The following CELA2A variants were observed in gnomAD, a reference collection of about 807,000 sequenced individuals.
CELA2A encodes the protein chymotrypsin-like elastase family member 2A.
In CELA2A, 31 loss-of-function variants were observed where a neutral mutation model predicts 35.3. That is an observed-to-expected ratio of 0.88 (90% CI 0.66 to 1.19). The LOEUF (loss-of-function observed/expected upper bound fraction) is 1.19, where lower values mean the gene tolerates loss of function less well. CELA2A is among the 50% of genes most tolerant of loss of function. The pLI is 0.00. For missense variants in CELA2A, 330 were observed against 352.9 expected (o/e 0.94, Z 0.52); for synonymous variants, 150 against 149.8 (o/e 1.00, Z -0.01).
chr1:15,462,887 G>C (rs772051136), intron 4 of CELA2A, 26 bp downstream of exon 4: 3 of 1,613,982 alleles, frequency 1.9e-6, no homozygotes, highest in Non-Finnish European at 2.5e-6. Flanking sequence ...GGTGCACTTG[G>C]GGGTGAGGTT....
chr1:15,463,367 C>T lies in CELA2A; in HGVS notation c.357-19C>T, dbSNP rs376985912. Reference sequence around the variant, plus strand: ...AAAAGTCAACCCGGTCCTCATGCTTCGCCTCCACACTCACCCAGGAACGAC... The same window carrying T: ...AAAAGTCAACCCGGTCCTCATGCTTTGCCTCCACACTCACCCAGGAACGAC... On this transcript the variant is annotated intron_variant, in intron 4 of 7. Transcript: ENST00000359621. The T allele has an allele frequency of 2.9e-5, 46 of 1,613,138 alleles. No homozygotes were observed. Among genetic ancestry groups the T allele is most frequent in the South Asian group, 1.3e-4 (12 of 91,050 alleles).
chr1:15,465,957 G>T, intron 5 of CELA2A, 42 bp from the exon 6 acceptor site: 2 of 1,608,962 alleles, frequency 1.2e-6, no homozygotes, highest in African/African-American at 2.7e-5. Flanking sequence ...TTTTTCTCAG[G>T]AGTCCCTGCA....
At chr1:15,469,786 G>C (rs1475454696) in intron 7 of CELA2A, among the ~76,000 whole-genome samples, 2 of 152,200 alleles carry the variant, frequency 1.3e-5, no homozygotes, top group Non-Finnish European at 2.9e-5. Context: ...ACATGTCAAA[G>C]GAGCCTGGCC....
At chr1:15,460,465 G>C (rs1451236939) in intron 2 of CELA2A, among the ~76,000 whole-genome samples, 1 of 152,016 alleles carries the variant, frequency 6.6e-6, no homozygotes, top group East Asian at 1.9e-4. Flanking sequence ...CAACAAACAG[G>C]TCATCGTTCC....
At chr1:15,458,559 T>C (rs1358826986) in intron 2 of CELA2A, among the ~76,000 whole-genome samples, 3 of 152,124 alleles carry the variant, frequency 2.0e-5, no homozygotes, top group Admixed American at 2.0e-4. Flanking sequence ...GAGTGACCCA[T>C]GCAGCAGTCA....
chr1:15,458,772 G>C (rs1708393379), intron 2 of CELA2A, among the ~76,000 whole-genome samples: 1 of 151,848 alleles, frequency 6.6e-6, no homozygotes, highest in African/African-American at 2.4e-5. Flanking sequence ...AATTAGCCAG[G>C]CATGGTGGCG....
At chr1:15,461,917 T>TG (rs1435075563) in intron 3 of CELA2A, 2 of 655,824 alleles carry the variant, frequency 3.0e-6, no homozygotes, top group Non-Finnish European at 5.7e-6. Context: ...TCTGCCCTCT[T>TG]GGGGAAACTA....
rs755087402 is a variant in CELA2A, at chr1:15,456,800, C to T, written c.40+7C>T. ...TCCACTTTGGTGGCTGGAGGTAAGT[C>T]CTGTTACCCAGAGGCACTGGTTTCC... On this transcript the variant is annotated splice_region_variant and intron_variant, in intron 1 of 7. Transcript: ENST00000359621. 6.2e-7 allele frequency: 1 copy of T among 1,614,106 alleles called. No homozygotes were observed. The highest frequency in any genetic ancestry group is 1.1e-5 in the South Asian group (1 of 91,078).
At chr1:15,470,493 T>C (rs1708575698) in intron 7 of CELA2A, among the ~76,000 whole-genome samples, 1 of 152,188 alleles carries the variant, frequency 6.6e-6, no homozygotes, top group Non-Finnish European at 1.5e-5. Flanking sequence ...TGTAAAAATA[T>C]TAAAAGACTA....
chr1:15,457,441 CCTCTA>C (rs1708377536), intron 2 of CELA2A: 1 of 403,144 alleles, frequency 2.5e-6, no homozygotes, highest in Non-Finnish European at 4.6e-6. Context: ...GTGAAACCTG[CCTCTA>C]CTAATAATAC....
chr1:15,467,446 A>G lies in CELA2A; in HGVS notation c.700A>G (p.Ile234Val), dbSNP rs775213413. ...TGACGGCCGGTGGCAGGTGCACGGC[A>G]TCGTCAGCTTCGGGTCTCGCCTCGG... ...ASDGRWQVHG[I>V]VSFGSRLGCN... Residue 234 changes from isoleucine to valine, a missense_variant, in exon 7 of 8, where the codon ATC (isoleucine) becomes GTC (valine). By Grantham distance (29) the Ile-to-Val change is conservative (BLOSUM62 3). Transcript: ENST00000359621. The G allele has an allele frequency of 6.2e-7, 1 of 1,614,082 alleles. No individual in the cohort carries two copies. The highest frequency in any genetic ancestry group is 1.1e-5 in the South Asian group (1 of 91,090).
At chr1:15,465,939 T>C (rs2103304395) in intron 5 of CELA2A, 60 bp from the exon 6 acceptor site, 3 of 1,596,366 alleles carry the variant, frequency 1.9e-6, no homozygotes, top group Non-Finnish European at 2.6e-6. Flanking sequence ...GACGGGTCCA[T>C]CACTTCCTTT....
chr1:15,463,403 T>C lies in CELA2A; in HGVS notation c.374T>C (p.Leu125Pro), dbSNP rs1708466854. The C allele has an allele frequency of 1.2e-6, 2 of 1,613,630 alleles. No individual in the cohort carries two copies. Among genetic ancestry groups the C allele is most frequent in the Admixed American group, 1.7e-5 (1 of 59,988 alleles). Residue 125 changes from leucine to proline, a missense_variant, in exon 5 of 8, where the codon CTC (leucine) becomes CCC (proline). Coordinates refer to ENST00000359621, the MANE Select transcript of CELA2A (RefSeq NM_033440.3). Reference sequence around the variant, plus strand: ...TCACCCAGGAACGACATTGCCCTGCTCAAACTGGCTAACCCCGTCTCCCTC... The same window carrying C: ...TCACCCAGGAACGACATTGCCCTGCCCAAACTGGCTAACCCCGTCTCCCTC... ...QISKGNDIAL[L>P]KLANPVSLTD...
intron 7 of CELA2A, among the ~76,000 whole-genome samples, chr1:15,470,555 A>G (rs1708576371): frequency 6.6e-6 from 1 of 151,996 alleles, no homozygotes; most frequent in Non-Finnish European, 1.5e-5. Flanking sequence ...TACATCTCCA[A>G]TTCCACTCTC....
At position 15,466,114 on chromosome 1, in the gene CELA2A, T is replaced by C. The variant is rs374559347; in HGVS notation, c.609T>C (p.Ala203=). The part of the protein sequence containing the change: ...GSSVKTSMIC[A]GGDGVISSCN... ...GCGTGAAAACCAGTATGATCTGTGC[T>C]GGGGGTGATGGCGTGATCTCCAGCT... Residue 203 remains alanine, a synonymous_variant, in exon 6 of 8, where the codon GCT becomes GCC. Transcript: ENST00000359621. 2.5e-6 allele frequency: 4 copies of C among 1,613,942 alleles called. No individual in the cohort carries two copies. Among genetic ancestry groups the C allele is most frequent in the African/African-American group, 2.7e-5 (2 of 74,918 alleles).
chr1:15,465,945 C>G (rs1708511095), intron 5 of CELA2A, 54 bp from the exon 6 acceptor site: 1 of 1,604,676 alleles, frequency 6.2e-7, no homozygotes, highest in Non-Finnish European at 8.5e-7. Context: ...TCCATCACTT[C>G]CTTTTTCTCA....
At chr1:15,464,662 T>G (rs570742948) in intron 5 of CELA2A, among the ~76,000 whole-genome samples, 5 of 152,260 alleles carry the variant, frequency 3.3e-5, no homozygotes, top group African/African-American at 1.2e-4. Context: ...ACACATCAAA[T>G]CCTGCGGTGA....
At chr1:15,458,180 A>C (rs1182890299) in intron 2 of CELA2A, among the ~76,000 whole-genome samples, 1 of 152,172 alleles carries the variant, frequency 6.6e-6, no homozygotes, top group Non-Finnish European at 1.5e-5. Flanking sequence ...TGTCTTTTTC[A>C]TATAAGCCAT....
chr1:15,462,045 G>A (rs1708442162), intron 3 of CELA2A: 1 of 485,204 alleles, frequency 2.1e-6, no homozygotes, highest in Non-Finnish European at 4.2e-6. Flanking sequence ...AATTCAATGA[G>A]TTGATTTACC....
Sources: gnomAD v4.1 joint callset for allele counts (sites outside exome capture counted in the v4.1 genomes callset) on GRCh38, gnomAD v4.1.1 for gene constraint, MANE v1.5 for transcripts, NCBI Gene and HGNC (gene_info 2026-07-23, HGNC 2026-07-21) for gene names.